Variants in ADAMTS9 observed in about 807,000 individuals in gnomAD.
ADAMTS9 encodes the protein ADAM metallopeptidase with thrombospondin type 1 motif 9.
A neutral mutation model predicts 257.1 loss-of-function variants in ADAMTS9; 107 were observed. The observed-to-expected ratio is 0.42, with a 90% CI of 0.36 to 0.49. The LOEUF (loss-of-function observed/expected upper bound fraction) is 0.49. Among genes scored for constraint, ADAMTS9 ranks in the 20% least tolerant of loss-of-function variants. The pLI is 0.03. For missense variants in ADAMTS9, 2,353 were observed against 2,469.1 expected, an observed-to-expected ratio of 0.95 and a Z score of 1.00; for synonymous variants, 982 against 880.9, an observed-to-expected ratio of 1.11 and a Z score of -2.03.
intron 2 of ADAMTS9, among the ~76,000 whole-genome samples, chr3:64,683,357 C>A (rs758417286): frequency 6.6e-6 from 1 of 152,148 alleles, no homozygotes; most frequent in Non-Finnish European, 1.5e-5. Context: ...ACTTTAGTCT[C>A]GTGCCTTTTT....
At chr3:64,597,036 C>T (rs1178337585) in intron 26 of ADAMTS9, 45 bp from the exon 27 acceptor site, 3 of 1,607,724 alleles carry the variant, frequency 1.9e-6, no homozygotes, top group Admixed American at 1.7e-5. Flanking sequence ...CAATCTCCAT[C>T]TTAGGGACAC....
In ADAMTS9 at chr3:64,680,491, T is replaced by C. The variant is rs544088648; in HGVS notation, c.679+710A>G. Among the ~76,000 whole-genome samples, 6 of 152,256 alleles carry C rather than the reference T, an allele frequency of 3.9e-5. No individual in the cohort carries two copies. In the East Asian group the frequency reaches 5.8e-4, roughly 15 times the overall value. ...AGGCAGTGAAGTGTTGCTACAAGAC[T>C]GCAGATGAAGAAACACAGACAGAAG... On this transcript the variant is annotated intron_variant, in intron 3 of 39. Transcript: ENST00000498707.
rs749847103 is a variant in ADAMTS9, at chr3:64,607,002, A to G, written c.3432T>C (p.Asp1144=). Residue 1144 remains aspartate, a synonymous_variant, in exon 23 of 40, where the codon GAT becomes GAC. Coordinates refer to ENST00000498707, the MANE Select transcript of ADAMTS9 (RefSeq NM_182920.2). ...CIIGTYMSVV[D]DNDCNAATRP... is the part of the protein sequence containing the mutation. Reference sequence around the variant, plus strand: ...TAGTTGCTGCATTACAGTCATTGTCATCTACCACTGACATATAAGTCCCAA... The same window carrying G: ...TAGTTGCTGCATTACAGTCATTGTCGTCTACCACTGACATATAAGTCCCAA... The G allele has an allele frequency of 3.1e-6, 5 of 1,613,960 alleles. No homozygotes were observed. In the Admixed American group the frequency reaches 5.0e-5, roughly 16 times the overall value.
chr3:64,651,386 T>A (rs1283908839), intron 8 of ADAMTS9, among the ~76,000 whole-genome samples: 1 of 152,152 alleles, frequency 6.6e-6, no homozygotes, highest in African/African-American at 2.4e-5. Context: ...AGGCATAAAA[T>A]GTATTTTAAA....
intron 2 of ADAMTS9, chr3:64,685,207 C>T (rs1459915963): frequency 6.6e-6 from 1 of 152,376 alleles, no homozygotes; most frequent in East Asian, 1.9e-4. Context: ...TAGAACTACC[C>T]CCTCCCAGTC....
chr3:64,670,320 A>G (rs1325249423), intron 3 of ADAMTS9, among the ~76,000 whole-genome samples: 3 of 152,190 alleles, frequency 2.0e-5, no homozygotes, highest in Non-Finnish European at 4.4e-5. Context: ...GGACATGGAG[A>G]GTTGTGTTTC....
rs1299654618 is a variant in ADAMTS9, at chr3:64,546,780, C to T, written c.5042G>A (p.Trp1681Ter). The change falls in exon 32 of 40, where the codon TGG becomes TAG. Residue 1681 changes from tryptophan (W) to a stop codon, truncating the protein, a stop_gained. Coordinates refer to ENST00000498707, the MANE Select transcript of ADAMTS9 (RefSeq NM_182920.2). LOFTEE classifies it high-confidence loss of function. ...YLRDCPVSAT[W>*]RVGNWGSCSV... ...TACGCTCCCCCAGTTGCCAACTCTCCAGGTGGCCGAGACAGGGCAGTCCCT... is the reference window on the plus strand; with the variant it reads ...TACGCTCCCCCAGTTGCCAACTCTCTAGGTGGCCGAGACAGGGCAGTCCCT... The T allele has an allele frequency of 6.2e-7, 1 of 1,607,912 alleles. No homozygotes were observed. Among genetic ancestry groups the T allele is most frequent in the East Asian group, 2.2e-5 (1 of 44,848 alleles).
rs550094662 is a variant in ADAMTS9, at chr3:64,564,972, C to T, written c.4525-3221G>A. ...CATAGCTACTGCGAATGTGCGTTTGCGATCCCAGTTTTTAAATTGGTGCTA... is the reference window on the plus strand; with the variant it reads ...CATAGCTACTGCGAATGTGCGTTTGTGATCCCAGTTTTTAAATTGGTGCTA... On this transcript the variant is annotated intron_variant, in intron 29 of 39. Transcript: ENST00000498707. Among the ~76,000 whole-genome samples the T allele has an allele frequency of 3.9e-5, 6 of 152,286 alleles. No homozygotes were observed. In the South Asian group the frequency reaches 6.2e-4, roughly 16 times the overall value.
In ADAMTS9 at chr3:64,654,424, A is replaced by G. The variant is rs1301803908; in HGVS notation, c.1245T>C (p.Tyr415=). The part of the protein sequence containing the change: ...LAELGTICDP[Y]RSCSISEDSG... ...TATCTTCACTAATAGAACAGCTTCT[A>G]TAGGGATCACAAATGGTTCCCAGTT... The change falls in exon 8 of 40, where the codon TAT becomes TAC. Residue 415 remains tyrosine (Y), a synonymous_variant. Coordinates refer to ENST00000498707, the MANE Select transcript of ADAMTS9 (RefSeq NM_182920.2). The G allele has an allele frequency of 3.1e-6, 5 of 1,614,216 alleles. No individual in the cohort carries two copies. The highest frequency in any genetic ancestry group is 1.7e-5 in the Admixed American group (1 of 60,034).
Position 64,622,195 on chromosome 3 carries a change from T to C in ADAMTS9, c.2686+3A>G, listed in dbSNP as rs770887993. 6.2e-7 allele frequency: 1 copy of C among 1,606,144 alleles called. No homozygotes were observed. The highest frequency in any genetic ancestry group is 8.5e-7 in the Non-Finnish European group (1 of 1,176,114). ...CCCCAGAACTCAAATTCAAAGCAGA[T>C]ACCTTGGCAGGGTTTACTGCATGCT... On this transcript the variant is annotated splice_donor_region_variant and intron_variant, in intron 18 of 39. Transcript: ENST00000498707.
chr3:64,681,388 T>C (rs1701753108), intron 2 of ADAMTS9, 25 bp from the exon 3 acceptor site: 4 of 1,592,574 alleles, frequency 2.5e-6, no homozygotes, highest in Non-Finnish European at 3.4e-6. Context: ...AGATGGGAGG[T>C]TGATTTAACG....
At chr3:64,609,515 A>C (rs2084626772) in intron 22 of ADAMTS9, among the ~76,000 whole-genome samples, 1 of 152,150 alleles carries the variant, frequency 6.6e-6, no homozygotes, top group Non-Finnish European at 1.5e-5. Flanking sequence ...AATTTAAAAA[A>C]AAAAATTCAA....
intron 3 of ADAMTS9, among the ~76,000 whole-genome samples, chr3:64,678,618 T>C (rs765777584): frequency 2.6e-5 from 4 of 152,166 alleles, no homozygotes; most frequent in Non-Finnish European, 5.9e-5. Context: ...GGAGGGAAGA[T>C]GAACCACTGA....
intron 16 of ADAMTS9, among the ~76,000 whole-genome samples, chr3:64,629,589 T>A (rs1700316203): frequency 6.6e-6 from 1 of 152,236 alleles, no homozygotes; most frequent in Non-Finnish European, 1.5e-5. Flanking sequence ...ACCCTTGGTA[T>A]CCCGATTTGC....
intron 4 of ADAMTS9, among the ~76,000 whole-genome samples, chr3:64,656,858 A>G (rs1701087500): frequency 6.6e-6 from 1 of 152,122 alleles, no homozygotes; most frequent in African/African-American, 2.4e-5. Flanking sequence ...CAAGGGGGGA[A>G]GAAGAAACCC....
chr3:64,606,202 A>G (rs1300241887), intron 23 of ADAMTS9, among the ~76,000 whole-genome samples: 1 of 152,232 alleles, frequency 6.6e-6, no homozygotes, highest in African/African-American at 2.4e-5. Context: ...TGTAACTGCT[A>G]CAGACACAAG....
chr3:64,683,506 C>T (rs1559826938), intron 2 of ADAMTS9, among the ~76,000 whole-genome samples: 1 of 152,182 alleles, frequency 6.6e-6, no homozygotes, highest in Non-Finnish European at 1.5e-5. Context: ...GTCTCCAGCT[C>T]TCAAAGTCTC....
intron 3 of ADAMTS9, among the ~76,000 whole-genome samples, chr3:64,671,324 G>A (rs944536850): frequency 3.3e-5 from 5 of 152,126 alleles, no homozygotes; most frequent in African/African-American, 1.2e-4. Context: ...GGGGAGAGGG[G>A]CTGATTACAA....
At chr3:64,597,418 A>G (rs1192773551) in intron 26 of ADAMTS9, among the ~76,000 whole-genome samples, 1 of 152,190 alleles carries the variant, frequency 6.6e-6, no homozygotes, top group Non-Finnish European at 1.5e-5. Flanking sequence ...CGGAGGTCAA[A>G]TTACATGCCT....
Sources: gnomAD v4.1 joint callset for allele counts (sites outside exome capture counted in the v4.1 genomes callset) on GRCh38, gnomAD v4.1.1 for gene constraint, MANE v1.5 for transcripts, NCBI Gene and HGNC (gene_info 2026-07-23, HGNC 2026-07-21) for gene names.